The following SLC22A7 variants were observed in gnomAD, a reference collection of about 807,000 sequenced individuals.
SLC22A7 encodes hOAT2.
SLC22A7 carries 48 observed loss-of-function variants against 62.2 expected under a neutral mutation model. That is an observed-to-expected ratio of 0.77 (90% CI 0.61 to 0.98). The LOEUF (loss-of-function observed/expected upper bound fraction) is 0.98. SLC22A7 is among the 50% of genes least tolerant of loss of function. The pLI, the probability that SLC22A7 is intolerant of heterozygous loss-of-function variation, is 0.00. For missense variants in SLC22A7, 581 were observed against 703.8 expected (o/e 0.83, Z 1.97); for synonymous variants, 276 against 314.8 (o/e 0.88, Z 1.30).
chr6:43,301,275 G>C lies in SLC22A7; in HGVS notation c.951+17G>C. Reference sequence around the variant, plus strand: ...AGCCAGGAGGTGAGGGTGAACGTGTGTGTGAGCATGCATATATGTGTGTGG... The same window carrying C: ...AGCCAGGAGGTGAGGGTGAACGTGTCTGTGAGCATGCATATATGTGTGTGG... On this transcript the variant is annotated intron_variant, in intron 6 of 10. Transcript: ENST00000372585. 5.0e-6 allele frequency: 8 copies of C among 1,613,980 alleles called. No homozygotes were observed. Among genetic ancestry groups the C allele is most frequent in the Non-Finnish European group, 5.9e-6 (7 of 1,180,014 alleles).
rs766571874 is a variant in SLC22A7 at position 43,301,243 on chromosome 6, C to T, written c.936C>T (p.Asp312=). The T allele has an allele frequency of 2.3e-5, 37 of 1,614,160 alleles. No individual in the cohort carries two copies. The highest frequency in any genetic ancestry group is 3.1e-5 in the Non-Finnish European group (37 of 1,180,036). The change falls in exon 6 of 11, where the codon GAC becomes GAT. Residue 312 remains aspartate (D), a synonymous_variant. Coordinates refer to ENST00000372585, the MANE Select transcript of SLC22A7 (RefSeq NM_153320.2). ...ARLNGRPVCE[D]SFSQEAVSKV... is the part of the protein sequence containing the mutation. ...TCAATGGGCGGCCAGTGTGTGAGGA[C>T]AGCTTCAGCCAGGAGGTGAGGGTGA...
At position 43,302,143 on chromosome 6, in the gene SLC22A7, G is replaced by C; in HGVS notation, c.1062-57G>C. 7.0e-7 allele frequency: 1 copy of C among 1,437,956 alleles called. No individual in the cohort carries two copies. The highest frequency in any genetic ancestry group is 1.4e-5 in the African/African-American group (1 of 70,474). The allele number at this position is 1,437,956 out of a possible 1,614,324, so 89.1% of individuals were successfully genotyped here. On this transcript the variant is annotated intron_variant, in intron 7 of 10. Transcript: ENST00000372585. The surrounding 1 kb of genome is among the most constrained non-coding windows in gnomAD (Gnocchi z 5.0). ...AAAATGCCAAGTCTTCCTGAGAAGAGAGGCCAAAGAGGGATGGGAAGGAGG... is the reference window on the plus strand; with the variant it reads ...AAAATGCCAAGTCTTCCTGAGAAGACAGGCCAAAGAGGGATGGGAAGGAGG...
In SLC22A7 at chr6:43,302,824, C is replaced by A; in HGVS notation, c.1385+61C>A. On this transcript the variant is annotated intron_variant, in intron 9 of 10. Coordinates refer to ENST00000372585, the MANE Select transcript of SLC22A7 (RefSeq NM_153320.2). The surrounding 1 kb of genome is among the most constrained non-coding windows in gnomAD (Gnocchi z 5.0). ...CTTGTTAGTCACGTGTCTTAACCAA[C>A]ACTTCTACATACACGCACCACAACC... 1 of 1,109,118 alleles carries A rather than the reference C, an allele frequency of 9.0e-7. No individual in the cohort carries two copies. The highest frequency in any genetic ancestry group is 1.4e-6 in the Non-Finnish European group (1 of 739,026). 68.7% of individuals were successfully genotyped at this position (1,109,118 alleles called of 1,614,324 possible).
At chr6:43,304,601 G>A (rs1240182236) in intron 10 of SLC22A7, 70 bp from the exon 11 acceptor site, 1 of 1,417,958 alleles carries the variant, frequency 7.1e-7, no homozygotes, top group Non-Finnish European at 9.9e-7. Flanking sequence ...GGACAGCCCT[G>A]ATGGGGCAGG....
At position 43,298,408 on chromosome 6, in the gene SLC22A7, A is replaced by C; in HGVS notation, c.50A>C (p.Gln17Pro). ...LEQVGGFGPF[Q>P]LRNVALLALP... The stretch of plus-strand genomic sequence containing the variant: ...CAGGTGGGCGGCTTTGGGCCCTTCC[A>C]ACTGCGGAATGTGGCACTGCTGGCC... Residue 17 changes from glutamine (Q) to proline (P), a missense_variant, in exon 1 of 11, where the codon CAA (glutamine) becomes CCA (proline). Transcript: ENST00000372585. 1 of 1,614,026 alleles carries C rather than the reference A, an allele frequency of 6.2e-7. No individual in the cohort carries two copies. Among genetic ancestry groups the C allele is most frequent in the Non-Finnish European group, 8.5e-7 (1 of 1,179,950 alleles).
Position 43,299,016 on chromosome 6 carries a change from G to C in SLC22A7, c.394-76G>C. The C allele has an allele frequency of 7.0e-7, 1 of 1,423,784 alleles. No individual in the cohort carries two copies. The highest frequency in any genetic ancestry group is 9.6e-7 in the Non-Finnish European group (1 of 1,043,724). 88.2% of individuals were successfully genotyped at this position (1,423,784 alleles called of 1,614,324 possible). ...AGTGGCTTCAGGGAGTTGAGACAAA[G>C]AGCTGAGAAGGCAATTTCTGCAGCA... On this transcript the variant is annotated intron_variant, in intron 1 of 10. Transcript: ENST00000372585. This position sits in a 1 kb window ranked among gnomAD's most constrained non-coding sequence, Gnocchi z 4.4.
rs778985706 is a variant in SLC22A7, at chr6:43,302,341, A to C, written c.1203A>C (p.Gly401=). The C allele has an allele frequency of 1.3e-5, 21 of 1,613,098 alleles. No homozygotes were observed. Among genetic ancestry groups the C allele is most frequent in the Non-Finnish European group, 1.7e-5 (20 of 1,179,954 alleles). The part of the protein sequence containing the change: ...LLVYLSVRYA[G]RRLTQAGTLL... ...TCTACTTGTCGGTGCGCTACGCAGGACGCCGCCTCACGCAAGCCGGGACAC... is the reference window on the plus strand; with the variant it reads ...TCTACTTGTCGGTGCGCTACGCAGGCCGCCGCCTCACGCAAGCCGGGACAC... The change falls in exon 8 of 11, where the codon GGA becomes GGC. Residue 401 remains glycine (G), a synonymous_variant. Transcript: ENST00000372585. This position sits in a 1 kb window ranked among gnomAD's most constrained non-coding sequence, Gnocchi z 5.0.
In SLC22A7 at chr6:43,301,167, C is replaced by T. The variant is rs1461867353; in HGVS notation, c.860C>T (p.Thr287Ile). 2 of 1,614,220 alleles carry T rather than the reference C, an allele frequency of 1.2e-6. No homozygotes were observed. The highest frequency in any genetic ancestry group is 1.7e-6 in the Non-Finnish European group (2 of 1,180,036). ...CCTGAGTCTGCACGCTGGCTTCTGA[C>T]CCAAGGCCATGTGAAAGAGGCCCAC... Reference protein sequence around the residue: ...WVPESARWLLTQGHVKEAHRY... With the variant: ...WVPESARWLLIQGHVKEAHRY... Residue 287 changes from threonine (T) to isoleucine (I), a missense_variant, in exon 6 of 11, where the codon ACC becomes ATC. By Grantham distance (89) the Thr-to-Ile change is moderately conservative. Transcript: ENST00000372585.
At position 43,302,665 on chromosome 6, in the gene SLC22A7, C is replaced by T. The variant is rs1265379520; in HGVS notation, c.1287C>T (p.Ser429=). The change falls in exon 9 of 11, where the codon TCC becomes TCT. Residue 429 remains serine, a synonymous_variant. Coordinates refer to ENST00000372585, the MANE Select transcript of SLC22A7 (RefSeq NM_153320.2). This position sits in a 1 kb window ranked among gnomAD's most constrained non-coding sequence, Gnocchi z 5.0. The part of the protein sequence containing the change: ...TRLLVSSDMK[S]WSTVLAVMGK... ...CCCGCTTCCCTCCAGATATGAAGTC[C>T]TGGAGCACTGTCCTGGCAGTGATGG... 6.2e-7 allele frequency: 1 copy of T among 1,602,278 alleles called. No individual in the cohort carries two copies. Among genetic ancestry groups the T allele is most frequent in the Non-Finnish European group, 8.5e-7 (1 of 1,172,982 alleles).
chr6:43,301,785 A>G, intron 7 of SLC22A7, 93 bp downstream of exon 7: 1 of 848,126 alleles, frequency 1.2e-6, no homozygotes, highest in Non-Finnish European at 1.8e-6. Context: ...TCTGAGGGAC[A>G]AGTAGAGTGT....
chr6:43,303,582 G>A (rs914332395), intron 9 of SLC22A7, among the ~76,000 whole-genome samples: 1 of 152,132 alleles, frequency 6.6e-6, no homozygotes, highest in African/African-American at 2.4e-5. Context: ...TGCCCTTGAG[G>A]ACTGTCCCAA....
rs1778614638 is a variant in SLC22A7, at chr6:43,298,503, T to C, written c.145T>C (p.Cys49Arg). ...CCTGGCTGCCGTGCCTGCCCACCGATGTGCCCTGCCGGGTGCCCCTGCCAA... is the reference window on the plus strand; with the variant it reads ...CCTGGCTGCCGTGCCTGCCCACCGACGTGCCCTGCCGGGTGCCCCTGCCAA... Reference protein sequence around the residue: ...IFLAAVPAHRCALPGAPANFS... With the variant: ...IFLAAVPAHRRALPGAPANFS... The change falls in exon 1 of 11, where the codon TGT becomes CGT. Residue 49 changes from cysteine to arginine, a missense_variant. Cys to Arg is a radical substitution (Grantham distance 180). Transcript: ENST00000372585. 2 of 1,613,584 alleles carry C rather than the reference T, an allele frequency of 1.2e-6. No homozygotes were observed. Among genetic ancestry groups the C allele is most frequent in the East Asian group, 4.5e-5 (2 of 44,888 alleles).
chr6:43,300,193 CAGAA>C (rs1778691571), intron 5 of SLC22A7, 127 bp downstream of exon 5: 1 of 923,912 alleles, frequency 1.1e-6, no homozygotes, highest in Non-Finnish European at 1.6e-6. Flanking sequence ...GACCAAGAGA[CAGAA>C]AGAGACACAG....
chr6:43,303,379 G>A (rs1297529378), intron 9 of SLC22A7, among the ~76,000 whole-genome samples: 2 of 152,138 alleles, frequency 1.3e-5, no homozygotes, highest in African/African-American at 2.4e-5. Flanking sequence ...AGAATCGCTC[G>A]AACCTGGGAG....
rs981218920 is a variant in SLC22A7 at position 43,299,256 on chromosome 6, T to C, written c.400-134T>C. 4 of 1,605,816 alleles carry C rather than the reference T, an allele frequency of 2.5e-6. No homozygotes were observed. In the Admixed American group the frequency reaches 5.2e-5, roughly 21 times the overall value. The stretch of plus-strand genomic sequence containing the variant: ...CAAGCTGGCGTGAATCGTTGGGAGG[T>C]TTATTATCTGGCATGGAGGTACCAG... On this transcript the variant is annotated intron_variant, in intron 2 of 10. Transcript: ENST00000372585. This position sits in a 1 kb window ranked among gnomAD's most constrained non-coding sequence, Gnocchi z 4.4.
chr6:43,302,802 G>A lies in SLC22A7; in HGVS notation c.1385+39G>A, dbSNP rs1778802003. 2 of 1,338,470 alleles carry A rather than the reference G, an allele frequency of 1.5e-6. No individual in the cohort carries two copies. The highest frequency in any genetic ancestry group is 2.1e-6 in the Non-Finnish European group (2 of 940,832). 82.9% of individuals were successfully genotyped at this position (1,338,470 alleles called of 1,614,324 possible). A position where few individuals can be genotyped will look rare whatever the true frequency, so the allele number is the denominator to read the frequency against. ...CAACTGATCTGGGGGTATGGGGCTT[G>A]TTAGTCACGTGTCTTAACCAACACT... On this transcript the variant is annotated intron_variant, in intron 9 of 10. Coordinates refer to ENST00000372585, the MANE Select transcript of SLC22A7 (RefSeq NM_153320.2). This position sits in a 1 kb window ranked among gnomAD's most constrained non-coding sequence, Gnocchi z 5.0.
At position 43,299,599 on chromosome 6, in the gene SLC22A7, G is replaced by C. The variant is rs754576619; in HGVS notation, c.504-28G>C. On this transcript the variant is annotated intron_variant, in intron 3 of 10. Transcript: ENST00000372585. This position sits in a 1 kb window ranked among gnomAD's most constrained non-coding sequence, Gnocchi z 4.4. Reference sequence around the variant, plus strand: ...ATGCCTTAGAACCTCCTTCCACAGGGAACTGACCCTGCATGACCCCTTTGC... The same window carrying C: ...ATGCCTTAGAACCTCCTTCCACAGGCAACTGACCCTGCATGACCCCTTTGC... 1 of 1,614,092 alleles carries C rather than the reference G, an allele frequency of 6.2e-7. No homozygotes were observed. The highest frequency in any genetic ancestry group is 8.5e-7 in the Non-Finnish European group (1 of 1,179,978).
At chr6:43,298,889 AT>A (rs1778632629) in intron 1 of SLC22A7, 138 bp downstream of exon 1, 2 of 1,312,730 alleles carry the variant, frequency 1.5e-6, no homozygotes, top group Admixed American at 2.6e-5. Flanking sequence ...GGGGCTATGA[AT>A]ATAAGGCACT....
At chr6:43,303,753 C>T (rs1441454757) in intron 9 of SLC22A7, among the ~76,000 whole-genome samples, 2 of 152,226 alleles carry the variant, frequency 1.3e-5, no homozygotes, top group Non-Finnish European at 2.9e-5. Flanking sequence ...CTTCCTTCCA[C>T]ATCACCCTTT....
Sources: gnomAD v4.1 joint callset for allele counts (sites outside exome capture counted in the v4.1 genomes callset) on GRCh38, gnomAD v4.1.1 for gene constraint, Gnocchi (gnomAD v3.1) non-coding constraint, MANE v1.5 for transcripts, NCBI Gene and HGNC (gene_info 2026-07-23, HGNC 2026-07-21) for gene names.